The following HIGD1A variants were observed in gnomAD, a reference collection of about 807,000 sequenced individuals.
HIGD1A encodes the protein HIG1 hypoxia inducible domain family member 1A, also known as HIG1 domain family member 1A, mitochondrial.
HIGD1A carries 8 observed loss-of-function variants against 11.3 expected under a neutral mutation model. The ratio of observed to expected loss-of-function variants is 0.71; its 90% CI spans 0.42 to 1.28. The LOEUF is 1.28. Among genes scored for constraint, HIGD1A ranks in the 50% most tolerant of loss-of-function variants. HIGD1A has a pLI of 0.01. For synonymous variants in HIGD1A, 32 were observed against 38.4 expected (o/e 0.83, Z 0.62); for missense variants, 107 against 118.8 (o/e 0.90, Z 0.46).
intron 2 of HIGD1A, among the ~76,000 whole-genome samples, chr3:42,792,073 T>A (rs1368907547): frequency 6.6e-6 from 1 of 152,206 alleles, no homozygotes; most frequent in Admixed American, 6.5e-5. Context: ...TTTATGGTAG[T>A]ACACAGAGAA....
intron 2 of HIGD1A, among the ~76,000 whole-genome samples, chr3:42,791,566 G>A (rs894556142): frequency 2.6e-5 from 4 of 152,008 alleles, no homozygotes; most frequent in Non-Finnish European, 5.9e-5. Context: ...TCATTGTTTT[G>A]GTACAATTAA....
intron 2 of HIGD1A, among the ~76,000 whole-genome samples, chr3:42,791,604 A>T (rs1189293729): frequency 2.0e-5 from 3 of 152,222 alleles, no homozygotes; most frequent in Non-Finnish European, 4.4e-5. Flanking sequence ...ATTTTTACAC[A>T]CACAGTCTTC....
intron 2 of HIGD1A, among the ~76,000 whole-genome samples, chr3:42,792,269 G>A (rs1219550496): frequency 6.6e-6 from 1 of 152,152 alleles, no homozygotes; most frequent in African/African-American, 2.4e-5. Context: ...ATGCTCAGTA[G>A]TTTAATTGTT....
chr3:42,801,735 CA>C (rs1454058632), intron 1 of HIGD1A, among the ~76,000 whole-genome samples: 2 of 152,208 alleles, frequency 1.3e-5, no homozygotes, highest in African/African-American at 4.8e-5. Context: ...CCTTGCAACA[CA>C]GGGGACAAAA....
intron 1 of HIGD1A, among the ~76,000 whole-genome samples, chr3:42,796,411 T>C: frequency 6.6e-6 from 1 of 150,794 alleles, no homozygotes; most frequent in East Asian, 2.0e-4. Context: ...ACTAAAGTAA[T>C]TAATCGTTCA....
At chr3:42,791,586 G>C (rs765974792) in intron 2 of HIGD1A, among the ~76,000 whole-genome samples, 1 of 152,094 alleles carries the variant, frequency 6.6e-6, no homozygotes, top group Non-Finnish European at 1.5e-5. Flanking sequence ...AGTATATAAG[G>C]ATATTTAATT....
Position 42,794,455 on chromosome 3 carries a change from G to A in HIGD1A, c.-22-180C>T, listed in dbSNP as rs1317372676. Among the ~76,000 whole-genome samples the A allele has an allele frequency of 6.6e-5, 10 of 152,034 alleles. 1 individual carries two copies. Among genetic ancestry groups the A allele is most frequent in the Admixed American group, 5.2e-4 (8 of 15,260 alleles). ...TTTTTAATGTACAGTCACTCTCAAG[G>A]GAGAGTTGTATACACTTATTCCCCC... On this transcript the variant is annotated intron_variant, in intron 1 of 3. Transcript: ENST00000321331.
chr3:42,784,158 A>T lies in HIGD1A; in HGVS notation c.*1113T>A, dbSNP rs1044669632. The T allele has an allele frequency of 1.3e-5, 2 of 152,150 alleles. No individual in the cohort carries two copies. The highest frequency in any genetic ancestry group is 2.9e-5 in the Non-Finnish European group (2 of 68,026). 9.4% of individuals were successfully genotyped at this position (152,150 alleles called of 1,614,324 possible). A position where few individuals can be genotyped will look rare whatever the true frequency, so the allele number is the denominator to read the frequency against. The stretch of plus-strand genomic sequence containing the variant: ...AGGAAAAAAAATAAAACATACCATA[A>T]AGTAAAATATTTTTAAAATCGTTGA... On this transcript the variant is annotated 3_prime_UTR_variant, in exon 4 of 4. Coordinates refer to ENST00000321331, the MANE Select transcript of HIGD1A (RefSeq NM_014056.4).
chr3:42,800,377 G>C (rs1379787554), intron 1 of HIGD1A, among the ~76,000 whole-genome samples: 2 of 151,410 alleles, frequency 1.3e-5, no homozygotes, highest in African/African-American at 4.9e-5. Flanking sequence ...AAAAAAACAT[G>C]ACCTTCTCAA....
At chr3:42,796,034 T>A (rs866841437) in intron 1 of HIGD1A, among the ~76,000 whole-genome samples, 1 of 152,094 alleles carries the variant, frequency 6.6e-6, no homozygotes, top group Non-Finnish European at 1.5e-5. Flanking sequence ...CACTTCTGGG[T>A]TTTTCATGTG....
intron 1 of HIGD1A, chr3:42,804,202 GCTCCGT>G (rs752436832): frequency 1.9e-6 from 3 of 1,609,168 alleles, no homozygotes; most frequent in East Asian, 4.5e-5. Context: ...CTCCTCGCTG[GCTCCGT>G]CTCCCCTCAC....
In HIGD1A at chr3:42,804,175, A is replaced by G. The variant is rs539004032; in HGVS notation, c.-23+261T>C. On this transcript the variant is annotated intron_variant, in intron 1 of 3. Coordinates refer to ENST00000321331, the MANE Select transcript of HIGD1A (RefSeq NM_014056.4). ...TCTTCCCCGCTCGGCAACTCACTCC[A>G]CAAGCTTCTGCTCCATCTCCTCGCT... 2.2e-5 allele frequency: 36 copies of G among 1,609,942 alleles called. No homozygotes were observed. Among genetic ancestry groups the G allele is most frequent in the Non-Finnish European group, 2.9e-5 (34 of 1,178,140 alleles).
chr3:42,796,567 C>A (rs542073078), intron 1 of HIGD1A, among the ~76,000 whole-genome samples: 1 of 152,072 alleles, frequency 6.6e-6, no homozygotes, highest in Non-Finnish European at 1.5e-5. Flanking sequence ...CCAAAGCCAG[C>A]TGTGTGGGAG....
chr3:42,794,621 C>T (rs1046442997), intron 1 of HIGD1A, among the ~76,000 whole-genome samples: 3 of 152,158 alleles, frequency 2.0e-5, no homozygotes, highest in African/African-American at 7.2e-5. Context: ...CATCCTTAAT[C>T]AACTATTTAA....
In HIGD1A at chr3:42,804,457, C is replaced by G. The variant is rs1202138406; in HGVS notation, c.-44G>C. Reference sequence around the variant, plus strand: ...TTACCTAGAGCGAGAAAACCTCTCACACCCCAACCGGCTTCCGATCCCTGC... The same window carrying G: ...TTACCTAGAGCGAGAAAACCTCTCAGACCCCAACCGGCTTCCGATCCCTGC... On this transcript the variant is annotated 5_prime_UTR_variant, in exon 1 of 4. Coordinates refer to ENST00000321331, the MANE Select transcript of HIGD1A (RefSeq NM_014056.4). 2 of 484,464 alleles carry G rather than the reference C, an allele frequency of 4.1e-6. No individual in the cohort carries two copies. Among genetic ancestry groups the G allele is most frequent in the Non-Finnish European group, 7.3e-6 (2 of 273,560 alleles). The allele number at this position is 484,464 out of a possible 1,614,324, so 30.0% of individuals were successfully genotyped here. A position where few individuals can be genotyped will look rare whatever the true frequency, so the allele number is the denominator to read the frequency against.
chr3:42,788,226 A>G (rs552664937), intron 2 of HIGD1A, among the ~76,000 whole-genome samples: 213 of 152,382 alleles, frequency 1.4e-3, no homozygotes, highest in African/African-American at 4.8e-3. Context: ...GGAAGTGGAT[A>G]TAATCACAAG....
At chr3:42,803,685 G>C (rs371964839) in intron 1 of HIGD1A, among the ~76,000 whole-genome samples, 14 of 152,352 alleles carry the variant, frequency 9.2e-5, no homozygotes, top group African/African-American at 3.4e-4. Context: ...GGAAATAGCT[G>C]CTTCCCACTC....
chr3:42,800,201 T>C lies in HIGD1A; in HGVS notation c.-23+4235A>G, dbSNP rs78016750. Among the ~76,000 whole-genome samples, 116 of 152,156 alleles carry C rather than the reference T, an allele frequency of 7.6e-4. 1 individual carries two copies. The East Asian group carries it at 0.017, about 22-fold the overall frequency. On this transcript the variant is annotated intron_variant, in intron 1 of 3. Coordinates refer to ENST00000321331, the MANE Select transcript of HIGD1A (RefSeq NM_014056.4). ...AATTAGCTGGGCATAGTGGTGTGCA[T>C]GCCTGAAATCCCAGCTACTTGGGAA...
chr3:42,803,357 G>A (rs1327986055), intron 1 of HIGD1A, among the ~76,000 whole-genome samples: 2 of 152,186 alleles, frequency 1.3e-5, no homozygotes, highest in Non-Finnish European at 2.9e-5. Context: ...CTAAAGCAAC[G>A]CTGGCTTCAA....
Sources: gnomAD v4.1 joint callset for allele counts (sites outside exome capture counted in the v4.1 genomes callset) on GRCh38, gnomAD v4.1.1 for gene constraint, MANE v1.5 for transcripts, NCBI Gene and HGNC (gene_info 2026-07-23, HGNC 2026-07-21) for gene names.